IQCM: variants seen among roughly 807,000 people sequenced by gnomAD.
IQCM encodes the protein IQ domain-containing protein M.
In IQCM, 45 loss-of-function variants were observed where a neutral mutation model predicts 57.6. The observed-to-expected ratio is 0.78, with a 90% CI of 0.62 to 1.00. The LOEUF (loss-of-function observed/expected upper bound fraction) is 1.00. Ranked by LOEUF, IQCM falls within the 50% of genes least tolerant of loss-of-function variation. IQCM has a pLI of 0.00. For missense variants in IQCM, 468 were observed against 511.6 expected (o/e 0.91, Z 0.82); for synonymous variants, 148 against 158.9 (o/e 0.93, Z 0.51).
chr4:149,610,558 G>T (rs911382203), intron 8 of IQCM, among the ~76,000 whole-genome samples: 3 of 151,752 alleles, frequency 2.0e-5, no homozygotes, highest in Admixed American at 6.6e-5. Context: ...GAAACAAGAA[G>T]TAAATTCATG....
intron 13 of IQCM, among the ~76,000 whole-genome samples, chr4:149,352,862 T>C (rs936068639): frequency 2.6e-5 from 4 of 152,184 alleles, no homozygotes; most frequent in Non-Finnish European, 5.9e-5. Context: ...GTGGCCACCA[T>C]TATACAAAGA....
At chr4:149,450,164 G>T (rs1450163072) in intron 12 of IQCM, among the ~76,000 whole-genome samples, 2 of 151,798 alleles carry the variant, frequency 1.3e-5, no homozygotes, top group Non-Finnish European at 2.9e-5. Context: ...ACATGCAGAA[G>T]AATGAAGCAA....
intron 7 of IQCM, among the ~76,000 whole-genome samples, chr4:149,652,737 G>T (rs906517578): frequency 1.3e-5 from 2 of 151,808 alleles, no homozygotes; most frequent in Non-Finnish European, 2.9e-5. Context: ...GAGCTTAAAA[G>T]GAGTAAAAGA....
At chr4:149,366,880 G>T (rs1729881209) in intron 13 of IQCM, among the ~76,000 whole-genome samples, 1 of 151,870 alleles carries the variant, frequency 6.6e-6, no homozygotes, top group African/African-American at 2.4e-5. Context: ...AATACAGAAA[G>T]TTCAAAAATA....
At chr4:149,419,561 C>A (rs886349976) in intron 13 of IQCM, among the ~76,000 whole-genome samples, 1 of 152,044 alleles carries the variant, frequency 6.6e-6, no homozygotes, top group African/African-American at 2.4e-5. Flanking sequence ...CTAGGCAATA[C>A]CATTCAGGAC....
At chr4:149,573,355 A>G (rs1751342751) in intron 9 of IQCM, among the ~76,000 whole-genome samples, 1 of 151,512 alleles carries the variant, frequency 6.6e-6, no homozygotes. Flanking sequence ...TTTCCAAGGA[A>G]CTCCTCTTCA....
intron 12 of IQCM, among the ~76,000 whole-genome samples, chr4:149,483,570 T>A (rs1293437581): frequency 1.3e-5 from 2 of 152,038 alleles, no homozygotes; most frequent in Non-Finnish European, 2.9e-5. Context: ...CATGTGTTTG[T>A]ATAGTTTCCA....
At chr4:149,707,515 C>T (rs1021753956) in intron 5 of IQCM, among the ~76,000 whole-genome samples, 10 of 151,910 alleles carry the variant, frequency 6.6e-5, no homozygotes, top group African/African-American at 2.4e-4. Flanking sequence ...TTTCTCAGGG[C>T]ATCCTTGAGG....
intron 12 of IQCM, among the ~76,000 whole-genome samples, chr4:149,437,095 C>A (rs185223247): frequency 6.6e-6 from 1 of 152,218 alleles, no homozygotes; most frequent in Non-Finnish European, 1.5e-5. Flanking sequence ...AGAATTTATT[C>A]TCTATTCTGT....
intron 7 of IQCM, among the ~76,000 whole-genome samples, chr4:149,623,455 T>C (rs1351769210): frequency 6.6e-6 from 1 of 152,178 alleles, no homozygotes; most frequent in Non-Finnish European, 1.5e-5. Flanking sequence ...ACTTTTCCGC[T>C]TCAGGAAGCA....
At chr4:149,401,851 T>C (rs1578935334) in intron 13 of IQCM, among the ~76,000 whole-genome samples, 1 of 151,818 alleles carries the variant, frequency 6.6e-6, no homozygotes, top group African/African-American at 2.4e-5. Context: ...AATTTGAAGA[T>C]TCCTTTTATA....
intron 12 of IQCM, among the ~76,000 whole-genome samples, chr4:149,463,603 G>A (rs529276460): frequency 9.9e-5 from 15 of 152,240 alleles, no homozygotes; most frequent in African/African-American, 3.1e-4. Context: ...GGAACAATTG[G>A]TTATGAAATT....
intron 9 of IQCM, among the ~76,000 whole-genome samples, chr4:149,579,010 C>T (rs534205806): frequency 6.6e-6 from 1 of 151,910 alleles, no homozygotes; most frequent in Admixed American, 6.6e-5. Context: ...CTGATTTTCC[C>T]TGCCTGAGAT....
At chr4:149,687,679 AC>A (rs898048448) in intron 5 of IQCM, among the ~76,000 whole-genome samples, 5 of 151,864 alleles carry the variant, frequency 3.3e-5, no homozygotes, top group Non-Finnish European at 7.4e-5. Context: ...TCCCTGATGA[AC>A]ATAGATGCTA....
chr4:149,572,546 G>GTA (rs917454951), intron 9 of IQCM, among the ~76,000 whole-genome samples: 4 of 151,812 alleles, frequency 2.6e-5, no homozygotes, highest in African/African-American at 7.2e-5. Context: ...AGATATATAT[G>GTA]TATATATATC....
chr4:149,605,521 T>C (rs560087433), intron 8 of IQCM, among the ~76,000 whole-genome samples: 1 of 152,324 alleles, frequency 6.6e-6, no homozygotes, highest in African/African-American at 2.4e-5. Flanking sequence ...AAATTTTGCA[T>C]GTAGTACATT....
intron 13 of IQCM, among the ~76,000 whole-genome samples, chr4:149,371,245 T>G (rs1730349398): frequency 6.6e-6 from 1 of 152,170 alleles, no homozygotes; most frequent in African/African-American, 2.4e-5. Context: ...GGCAACTTTC[T>G]ACTACCAAAG....
chr4:149,522,318 A>G (rs1021176582), intron 12 of IQCM, among the ~76,000 whole-genome samples: 2 of 152,180 alleles, frequency 1.3e-5, no homozygotes, highest in Admixed American at 1.3e-4. Flanking sequence ...AAGGACCATA[A>G]GTATGCAAAG....
chr4:149,511,089 G>A lies in IQCM; in HGVS notation c.1228+37366C>T, dbSNP rs540024083. Among the ~76,000 whole-genome samples the A allele has an allele frequency of 7.2e-4, 110 of 152,248 alleles. 1 individual carries two copies. In the South Asian group the frequency reaches 0.015, roughly 21 times the overall value. On this transcript the variant is annotated intron_variant, in intron 12 of 13. Transcript: ENST00000636793. ...ATGACCCCTAAGTTAAGTCCATAGA[G>A]GATGTCACTGTCAGTATCTTTCTCA...
Sources: allele counts gnomAD v4.1 joint callset (sites outside exome capture counted in the v4.1 genomes callset), GRCh38; gene constraint gnomAD v4.1.1; transcripts MANE v1.5; gene names NCBI Gene and HGNC (gene_info 2026-07-23, HGNC 2026-07-21).